COL5A2: variants seen among roughly 807,000 people sequenced by gnomAD.
COL5A2 encodes the protein collagen alpha-2(V) chain.
In COL5A2, 23 loss-of-function variants were observed where a neutral mutation model predicts 208.2. That is an observed-to-expected ratio of 0.11 (90% CI 0.08 to 0.16). The LOEUF is 0.16. COL5A2 is among the 10% of genes least tolerant of loss of function. The pLI is 1.00. For missense variants in COL5A2, 1,590 were observed against 1,956.4 expected, an observed-to-expected ratio of 0.81 and a Z score of 3.53; for synonymous variants, 625 against 628.5, an observed-to-expected ratio of 0.99 and a Z score of 0.08.
chr2:189,222,056 T>G (rs1689353075), intron 1 of COL5A2, among the ~76,000 whole-genome samples: 1 of 152,174 alleles, frequency 6.6e-6, no homozygotes, highest in African/African-American at 2.4e-5. Flanking sequence ...ATTACTAGAA[T>G]TAAACACTTA....
At chr2:189,147,507 C>G (rs1016555773) in intron 1 of COL5A2, among the ~76,000 whole-genome samples, 1 of 152,070 alleles carries the variant, frequency 6.6e-6, no homozygotes, top group Admixed American at 6.6e-5. Context: ...AATCATGGTA[C>G]TGGGAGGGAA....
At chr2:189,047,544 C>T (rs770689784) in intron 45 of COL5A2, among the ~76,000 whole-genome samples, 5 of 152,124 alleles carry the variant, frequency 3.3e-5, no homozygotes, top group African/African-American at 4.8e-5. Context: ...AGAAAATCTG[C>T]TTAAGATTAC....
At chr2:189,381,878 A>G in the COL5A2 span, among the ~76,000 whole-genome samples, 1 of 152,080 alleles carries the variant, frequency 6.6e-6, no homozygotes, top group Non-Finnish European at 1.5e-5. Flanking sequence ...TTATAATATA[A>G]ACTTTATTTT....
In COL5A2 at chr2:189,179,460, C is replaced by G. The variant is rs368908409; in HGVS notation, c.97+48G>C. 8.2e-6 allele frequency: 13 copies of G among 1,587,928 alleles called. No individual in the cohort carries two copies. In the African/African-American group the frequency reaches 1.6e-4, roughly 20 times the overall value. On this transcript the variant is annotated intron_variant, in intron 1 of 53. Transcript: ENST00000374866. ...CTGAGGCTTAACATTCCACCTATTT[C>G]CCAAACCGTGCAATAAACACTACAA...
intron 7 of COL5A2, among the ~76,000 whole-genome samples, chr2:189,091,486 C>G (rs980978116): frequency 6.6e-6 from 1 of 152,120 alleles, no homozygotes; most frequent in Admixed American, 6.5e-5. Context: ...AGCATCAAAG[C>G]AAAACACCCT....
At chr2:189,206,411 A>G (rs1349354419) in intron 1 of COL5A2, among the ~76,000 whole-genome samples, 2 of 152,232 alleles carry the variant, frequency 1.3e-5, no homozygotes, top group Non-Finnish European at 2.9e-5. Flanking sequence ...ATATGCTTTC[A>G]TGCTACATGT....
the COL5A2 span, among the ~76,000 whole-genome samples, chr2:189,397,590 CA>C: frequency 1.4e-5 from 2 of 146,930 alleles, no homozygotes; most frequent in African/African-American, 4.9e-5. Flanking sequence ...TCTATATTTT[CA>C]AATTTATTAG....
the COL5A2 span, chr2:189,311,931 C>T: frequency 1.3e-5 from 10 of 782,202 alleles, no homozygotes; most frequent in Non-Finnish European, 1.8e-5. Context: ...TTGAGAGCCT[C>T]GATCTCTGTC....
At chr2:189,185,028 CTTT>C (rs1204160030) in intron 1 of COL5A2, among the ~76,000 whole-genome samples, 1 of 147,372 alleles carries the variant, frequency 6.8e-6, no homozygotes, top group Non-Finnish European at 1.5e-5. Context: ...TAATATGCTA[CTTT>C]TTTTTTTTTT....
intron 2 of COL5A2, among the ~76,000 whole-genome samples, chr2:189,106,604 C>A (rs1687153408): frequency 1.3e-5 from 2 of 150,526 alleles, no homozygotes; most frequent in Admixed American, 6.6e-5. Flanking sequence ...TTTTTAATGT[C>A]AAATTATTTA....
the COL5A2 span, among the ~76,000 whole-genome samples, chr2:189,275,153 C>T: frequency 0.78 from 118,791 of 152,064 alleles, 48,686 homozygotes; most frequent in Non-Finnish European, 0.91. Context: ...TTAACAGAAA[C>T]ACAGTTTTTC....
chr2:189,091,694 T>C (rs939641985), intron 7 of COL5A2, among the ~76,000 whole-genome samples: 9 of 152,314 alleles, frequency 5.9e-5, no homozygotes, highest in Middle Eastern at 3.4e-3. Context: ...CTCACTTTAC[T>C]GCAGTATTTC....
the COL5A2 span, chr2:189,311,761 C>T: frequency 0.017 from 13,665 of 801,088 alleles, 171 homozygotes; most frequent in Non-Finnish European, 0.023. Flanking sequence ...AAGCTCCTCT[C>T]GGTTCTTCCA....
chr2:189,104,233 T>C, intron 3 of COL5A2, 31 bp downstream of exon 3: 2 of 1,475,468 alleles, frequency 1.4e-6, no homozygotes, highest in Non-Finnish European at 1.9e-6. Flanking sequence ...AGTCTGCTTA[T>C]GAAAAAGAAA....
the COL5A2 span, among the ~76,000 whole-genome samples, chr2:189,338,013 T>C: frequency 6.6e-6 from 1 of 152,208 alleles, no homozygotes; most frequent in Non-Finnish European, 1.5e-5. Context: ...AGATGATATG[T>C]TTGGTTGTTT....
At chr2:189,098,039 C>CCCCG (rs1463596055) in intron 5 of COL5A2, among the ~76,000 whole-genome samples, 17 of 152,060 alleles carry the variant, frequency 1.1e-4, no homozygotes, top group Non-Finnish European at 2.2e-4. Context: ...TGTTTTTCCC[C>CCCCG]CCCTGGGAAA....
chr2:189,278,255 T>C, the COL5A2 span, among the ~76,000 whole-genome samples: 2 of 152,152 alleles, frequency 1.3e-5, no homozygotes, highest in African/African-American at 4.8e-5. Flanking sequence ...TTCACCCTCA[T>C]TGGAGAATTA....
the COL5A2 span, among the ~76,000 whole-genome samples, chr2:189,321,429 G>A: frequency 0.036 from 5,539 of 152,120 alleles, 116 homozygotes; most frequent in Admixed American, 0.05. Context: ...CCCATCTCAC[G>A]TGCAGAGACA....
intron 1 of COL5A2, among the ~76,000 whole-genome samples, chr2:189,195,621 A>G (rs1688990479): frequency 6.6e-6 from 1 of 152,174 alleles, no homozygotes; most frequent in Admixed American, 6.5e-5. Flanking sequence ...ACAGACATAT[A>G]GACCAATGGA....
Sources: gnomAD v4.1 joint callset for allele counts (sites outside exome capture counted in the v4.1 genomes callset) on GRCh38, gnomAD v4.1.1 for gene constraint, MANE v1.5 for transcripts, NCBI Gene and HGNC (gene_info 2026-07-23, HGNC 2026-07-21) for gene names.